CDYL: variants seen among roughly 807,000 people sequenced by gnomAD.
CDYL encodes the protein chromodomain Y like.
Under a neutral mutation model 47.3 loss-of-function variants are expected in CDYL, and 8 were observed. The ratio of observed to expected loss-of-function variants is 0.17; its 90% CI spans 0.10 to 0.31. The LOEUF is 0.31. Ranked by LOEUF, CDYL falls within the 10% of genes least tolerant of loss-of-function variation. The pLI is 1.00. For synonymous variants in CDYL, 266 were observed against 265.0 expected (o/e 1.00, Z -0.04); for missense variants, 471 against 701.4 (o/e 0.67, Z 3.71).
intron 1 of CDYL, among the ~76,000 whole-genome samples, chr6:4,777,846 A>T (rs1156448197): frequency 6.6e-6 from 1 of 152,168 alleles, no homozygotes; most frequent in Non-Finnish European, 1.5e-5. Flanking sequence ...TCTTCTAGCA[A>T]CTTTTTTGTT....
At chr6:4,873,799 G>A (rs764945771) in intron 1 of CDYL, among the ~76,000 whole-genome samples, 11 of 152,104 alleles carry the variant, frequency 7.2e-5, no homozygotes, top group East Asian at 1.9e-4. Context: ...AATAGGCTCC[G>A]AGAGCCTGGT....
At chr6:4,783,012 C>G (rs62386569) in intron 1 of CDYL, among the ~76,000 whole-genome samples, 1 of 152,268 alleles carries the variant, frequency 6.6e-6, no homozygotes, top group African/African-American at 2.4e-5. Flanking sequence ...TCCTTGAACC[C>G]TGGTGCATTC....
At chr6:4,715,147 C>T (rs1026289167) in intron 1 of CDYL, among the ~76,000 whole-genome samples, 13 of 152,326 alleles carry the variant, frequency 8.5e-5, no homozygotes, top group African/African-American at 2.9e-4. Flanking sequence ...GTGCCTTGGG[C>T]TCTCACCCTC....
chr6:4,855,958 T>A lies in CDYL; in HGVS notation c.25-35755T>A, dbSNP rs115175815. 8.5e-3 allele frequency among the ~76,000 whole-genome samples: 1,291 copies of A among 152,320 alleles called. 21 individuals carry two copies. Among genetic ancestry groups the A allele is most frequent in the African/African-American group, 0.03 (1,241 of 41,566 alleles). On this transcript the variant is annotated intron_variant, in intron 1 of 6. Transcript: ENST00000397588. ...GCTCATTGTCCATTTGTTGCCAAGG[T>A]TGATTCTGGCTAAATGCATACCCCA...
At chr6:4,742,294 A>T (rs1299849145) in intron 3 of CDYL, among the ~76,000 whole-genome samples, 2 of 151,268 alleles carry the variant, frequency 1.3e-5, no homozygotes, top group Non-Finnish European at 2.9e-5. Context: ...ATTTAAGCCC[A>T]GGAGGCAGAG....
chr6:4,944,656 T>C (rs1758458972), intron 5 of CDYL, among the ~76,000 whole-genome samples: 1 of 152,244 alleles, frequency 6.6e-6, no homozygotes, highest in African/African-American at 2.4e-5. Context: ...AGGGGCTTTC[T>C]TTCTGGGAGA....
chr6:4,769,118 T>C (rs543834445), intron 3 of CDYL, among the ~76,000 whole-genome samples: 5 of 152,128 alleles, frequency 3.3e-5, no homozygotes, highest in Non-Finnish European at 7.3e-5. Flanking sequence ...GCGTCACAGA[T>C]GGGATCCCGG....
chr6:4,732,003 T>A (rs1240962681), intron 2 of CDYL, among the ~76,000 whole-genome samples: 1 of 152,112 alleles, frequency 6.6e-6, no homozygotes, highest in African/African-American at 2.4e-5. Context: ...ATTTTAAATA[T>A]GTGATAATTT....
intron 1 of CDYL, among the ~76,000 whole-genome samples, chr6:4,888,390 G>C (rs1761954614): frequency 6.6e-6 from 1 of 151,826 alleles, no homozygotes; most frequent in Non-Finnish European, 1.5e-5. Context: ...ATATTTCTAG[G>C]AATTTGTTTA....
intron 4 of CDYL, among the ~76,000 whole-genome samples, chr6:4,941,220 A>C (rs1356270212): frequency 6.6e-6 from 1 of 152,198 alleles, no homozygotes; most frequent in Non-Finnish European, 1.5e-5. Context: ...TCAAGTTTAA[A>C]ACACACTTGG....
chr6:4,738,689 T>C (rs1438734671), intron 3 of CDYL, among the ~76,000 whole-genome samples: 1 of 152,228 alleles, frequency 6.6e-6, no homozygotes, highest in African/African-American at 2.4e-5. Context: ...GAAACACTTG[T>C]ACATGTGTGC....
intron 1 of CDYL, among the ~76,000 whole-genome samples, chr6:4,842,802 C>G (rs1362470987): frequency 6.6e-6 from 1 of 152,098 alleles, no homozygotes; most frequent in Non-Finnish European, 1.5e-5. Flanking sequence ...GAATACACAA[C>G]ATGGGAACGA....
chr6:4,853,104 C>T (rs1008708057), intron 1 of CDYL, among the ~76,000 whole-genome samples: 9 of 152,130 alleles, frequency 5.9e-5, no homozygotes, highest in African/African-American at 1.9e-4. Context: ...GTTCTTTTGA[C>T]ATCTGCCCAT....
At position 4,785,479 on chromosome 6, in the gene CDYL, A is replaced by C. The variant is rs75464914; in HGVS notation, c.24+8672A>C. Among the ~76,000 whole-genome samples the C allele has an allele frequency of 8.3e-3, 1,262 of 152,314 alleles. 18 individuals are homozygous for C. Among genetic ancestry groups the C allele is most frequent in the East Asian group, 0.043 (223 of 5,188 alleles). On this transcript the variant is annotated intron_variant, in intron 1 of 6. Coordinates refer to ENST00000397588, the MANE Select transcript of CDYL (RefSeq NM_004824.4). ...AACCCAACAATGTTGACTGCACATC[A>C]TGAATGTTCTTTGGTTAAAATGTAT... is the stretch of plus-strand genomic sequence containing the variant.
chr6:4,827,769 C>T (rs756432601), intron 1 of CDYL, among the ~76,000 whole-genome samples: 9 of 152,188 alleles, frequency 5.9e-5, no homozygotes, highest in Non-Finnish European at 1.2e-4. Context: ...GATCTCCTGC[C>T]TCAGCCTCCC....
chr6:4,942,324 C>A (rs1320951481), intron 4 of CDYL, among the ~76,000 whole-genome samples: 1 of 152,116 alleles, frequency 6.6e-6, no homozygotes, highest in African/African-American at 2.4e-5. Flanking sequence ...CTGACCTGCC[C>A]CTGCCAAAAA....
At position 4,878,575 on chromosome 6, in the gene CDYL, TATA is replaced by T. The variant is rs576276703; in HGVS notation, c.25-13135_25-13133del. On this transcript the variant is annotated intron_variant, in intron 1 of 6. Coordinates refer to ENST00000397588, the MANE Select transcript of CDYL (RefSeq NM_004824.4). The stretch of plus-strand genomic sequence containing the variant: ...ACTTTTACGATGATGAATTTATTGG[TATA>T]ATGTTTTTCATAATATTTTGTTATT... Among the ~76,000 whole-genome samples the T allele has an allele frequency of 8.5e-4, 130 of 152,220 alleles. 1 individual carries two copies. The South Asian group carries it at 0.016, about 19-fold the overall frequency.
intron 1 of CDYL, among the ~76,000 whole-genome samples, chr6:4,814,707 G>C (rs1759622277): frequency 6.6e-6 from 1 of 152,138 alleles, no homozygotes; most frequent in African/African-American, 2.4e-5. Context: ...ATTTTTAGTA[G>C]AGATGGGGTT....
chr6:4,723,699 A>G (rs1308356178), intron 2 of CDYL, among the ~76,000 whole-genome samples: 1 of 152,180 alleles, frequency 6.6e-6, no homozygotes, highest in East Asian at 1.9e-4. Flanking sequence ...CTCGCCTGTC[A>G]GCACCCCAAG....
Sources: gnomAD v4.1 joint callset for allele counts (sites outside exome capture counted in the v4.1 genomes callset) on GRCh38, gnomAD v4.1.1 for gene constraint, MANE v1.5 for transcripts, NCBI Gene and HGNC (gene_info 2026-07-23, HGNC 2026-07-21) for gene names.